STX1A: variants seen among roughly 807,000 people sequenced by gnomAD.
STX1A encodes the protein syntaxin-1A.
Under a neutral mutation model 37.8 loss-of-function variants are expected in STX1A, and 4 were observed. The ratio of observed to expected loss-of-function variants is 0.11; its 90% CI spans 0.05 to 0.24. The LOEUF is 0.24. Among genes scored for constraint, STX1A ranks in the 10% least tolerant of loss-of-function variants. STX1A has a pLI of 1.00. For missense variants in STX1A, 251 were observed against 399.9 expected (o/e 0.63, Z 3.18); for synonymous variants, 135 against 147.4 (o/e 0.92, Z 0.61).
At position 73,702,998 on chromosome 7, in the gene STX1A, G is replaced by C; in HGVS notation, c.541-16C>G. 6.3e-7 allele frequency: 1 copy of C among 1,585,692 alleles called. No homozygotes were observed. Among genetic ancestry groups the C allele is most frequent in the Non-Finnish European group, 8.6e-7 (1 of 1,166,880 alleles). On this transcript the variant is annotated splice_polypyrimidine_tract_variant and intron_variant, in intron 7 of 9. Coordinates refer to ENST00000222812, the MANE Select transcript of STX1A (RefSeq NM_004603.4). This position sits in a 1 kb window ranked among gnomAD's most constrained non-coding sequence, Gnocchi z 4.7. ...CCATGATGATCTGGGGGTGGGAGCA[G>C]GGGGCTGGGACCCAGAGGCTTGCTG...
chr7:73,703,340 G>A, intron 7 of STX1A: 1 of 564,558 alleles, frequency 1.8e-6, no homozygotes, highest in Non-Finnish European at 3.3e-6. Context: ...CCCCCACATT[G>A]AATGTGACTG....
At chr7:73,716,383 A>G (rs1799290317) in intron 1 of STX1A, among the ~76,000 whole-genome samples, 2 of 152,222 alleles carry the variant, frequency 1.3e-5, no homozygotes, top group African/African-American at 4.8e-5. Flanking sequence ...AGAGAAGGGG[A>G]AACTGATGGG....
At chr7:73,707,515 C>T (rs1157735284) in intron 3 of STX1A, among the ~76,000 whole-genome samples, 3 of 152,152 alleles carry the variant, frequency 2.0e-5, no homozygotes, top group African/African-American at 7.2e-5. Flanking sequence ...GGGGCTGGAC[C>T]GAGAGGCCTT....
In STX1A at chr7:73,703,790, G is replaced by A. The variant is rs782646301; in HGVS notation, c.505C>T (p.Leu169=). ...AAGATGGCGGGGTTCCCACTCTCCA[G>A]CATGTCCTCCAGCTCCTCACTGGTC... The part of the protein sequence containing the change: ...TTTSEELEDM[L]ESGNPAIFAS... The change falls in exon 7 of 10, where the codon CTG becomes TTG. Residue 169 remains leucine (L), a synonymous_variant. Transcript: ENST00000222812. 1.2e-6 allele frequency: 2 copies of A among 1,613,896 alleles called. No homozygotes were observed. Among genetic ancestry groups the A allele is most frequent in the Non-Finnish European group, 1.7e-6 (2 of 1,179,974 alleles).
intron 4 of STX1A, 185 bp from the exon 5 acceptor site, chr7:73,704,608 TGTG>T: frequency 1.4e-6 from 1 of 696,446 alleles, no homozygotes. Flanking sequence ...TGTGACGCTG[TGTG>T]GTGTGTGCAT....
intron 6 of STX1A, 130 bp from the exon 7 acceptor site, chr7:73,703,958 G>GC (rs1333874832): frequency 3.6e-4 from 78 of 214,522 alleles, no homozygotes; most frequent in Middle Eastern, 1.7e-3. Flanking sequence ...CTCAGGCCCC[G>GC]CCCCCCCGGC....
chr7:73,705,120 C>T lies in STX1A; in HGVS notation c.283+30G>A. On this transcript the variant is annotated intron_variant, in intron 4 of 9. Transcript: ENST00000222812. This position sits in a 1 kb window ranked among gnomAD's most constrained non-coding sequence, Gnocchi z 5.2. ...CAGAGGAAGCAGGCCTAGAATGCCC[C>T]CCACCCACCCCCAGACAAGCCTGAC... The T allele has an allele frequency of 6.2e-7, 1 of 1,609,004 alleles. No homozygotes were observed. The highest frequency in any genetic ancestry group is 8.5e-7 in the Non-Finnish European group (1 of 1,175,362).
In STX1A at chr7:73,699,561, C is replaced by T. The variant is rs887790803; in HGVS notation, c.*846G>A. The T allele has an allele frequency of 2.0e-5, 3 of 152,808 alleles. No individual in the cohort carries two copies. Among genetic ancestry groups the T allele is most frequent in the African/African-American group, 2.4e-5 (1 of 41,566 alleles). The allele number at this position is 152,808 out of a possible 1,614,324, so 9.5% of individuals were successfully genotyped here. A position where few individuals can be genotyped will look rare whatever the true frequency, so the allele number is the denominator to read the frequency against. On this transcript the variant is annotated 3_prime_UTR_variant, in exon 10 of 10. Transcript: ENST00000222812. ...GACACGTGACACCCACGTGGCACAT[C>T]GATGGGAGGATGGCAAGGGCAGGAT...
At chr7:73,719,211 G>T (rs1169910472) in intron 1 of STX1A, among the ~76,000 whole-genome samples, 1 of 152,124 alleles carries the variant, frequency 6.6e-6, no homozygotes, top group East Asian at 1.9e-4. Context: ...CTACACCGAG[G>T]GGGCACGGGA....
chr7:73,717,299 G>A lies in STX1A; in HGVS notation c.30+2303C>T, dbSNP rs782694227. ...TGTTCAGCCCAGCCCAGCCCAGCCC[G>A]CCCCAGTCCAGCCCAGTCCAGCCCA... On this transcript the variant is annotated intron_variant, in intron 1 of 9. Transcript: ENST00000222812. The surrounding 1 kb of genome is among the most constrained non-coding windows in gnomAD (Gnocchi z 4.1). Among the ~76,000 whole-genome samples the A allele has an allele frequency of 2.9e-4, 42 of 145,864 alleles. No individual in the cohort carries two copies. Among genetic ancestry groups the A allele is most frequent in the African/African-American group, 8.9e-4 (36 of 40,474 alleles).
Position 73,700,702 on chromosome 7 carries a change from T to C in STX1A, c.789+28A>G, listed in dbSNP as rs1554615716. Reference sequence around the variant, plus strand: ...GGGGTCCCTAATGGGTGCTGGGGCATGGCCTTGGGCAGGGCTGGGCTACTG... The same window carrying C: ...GGGGTCCCTAATGGGTGCTGGGGCACGGCCTTGGGCAGGGCTGGGCTACTG... On this transcript the variant is annotated intron_variant, in intron 9 of 9. Coordinates refer to ENST00000222812, the MANE Select transcript of STX1A (RefSeq NM_004603.4). The surrounding 1 kb of genome is among the most constrained non-coding windows in gnomAD (Gnocchi z 4.4). 14 of 1,612,540 alleles carry C rather than the reference T, an allele frequency of 8.7e-6. No homozygotes were observed. Among genetic ancestry groups the C allele is most frequent in the South Asian group, 1.1e-5 (1 of 91,044 alleles).
At position 73,705,126 on chromosome 7, in the gene STX1A, C is replaced by A. The variant is rs1459551254; in HGVS notation, c.283+24G>T. The A allele has an allele frequency of 6.2e-7, 1 of 1,612,200 alleles. No homozygotes were observed. Among genetic ancestry groups the A allele is most frequent in the Non-Finnish European group, 8.5e-7 (1 of 1,178,358 alleles). On this transcript the variant is annotated intron_variant, in intron 4 of 9. Coordinates refer to ENST00000222812, the MANE Select transcript of STX1A (RefSeq NM_004603.4). This position sits in a 1 kb window ranked among gnomAD's most constrained non-coding sequence, Gnocchi z 5.2. Reference sequence around the variant, plus strand: ...AAGCAGGCCTAGAATGCCCCCCACCCACCCCCAGACAAGCCTGACTCACTC... The same window carrying A: ...AAGCAGGCCTAGAATGCCCCCCACCAACCCCCAGACAAGCCTGACTCACTC...
Position 73,708,649 on chromosome 7 carries a change from T to G in STX1A, c.148A>C (p.Asn50His). 2 of 1,614,132 alleles carry G rather than the reference T, an allele frequency of 1.2e-6. No homozygotes were observed. The highest frequency in any genetic ancestry group is 8.5e-7 in the Non-Finnish European group (1 of 1,180,026). The change falls in exon 3 of 10, where the codon AAC becomes CAC. Residue 50 changes from asparagine to histidine, a missense_variant. Transcript: ENST00000222812. ...IRGFIDKIAE[N>H]VEEVKRKHSA... is the part of the protein sequence containing the mutation. ...TGCTTCCGCTTCACCTCCTCCACGT[T>G]CTCTGCGATCTTGTCAATGAAGCCT...
At chr7:73,719,089 T>A (rs773127448) in intron 1 of STX1A, among the ~76,000 whole-genome samples, 3 of 151,272 alleles carry the variant, frequency 2.0e-5, no homozygotes, top group Non-Finnish European at 3.0e-5. Context: ...GACGATCAGG[T>A]TTCCGCAGCG....
chr7:73,709,170 C>T lies in STX1A; in HGVS notation c.31-48G>A, dbSNP rs1554617589. 1.3e-6 allele frequency: 2 copies of T among 1,591,342 alleles called. No homozygotes were observed. Among genetic ancestry groups the T allele is most frequent in the Admixed American group, 3.3e-5 (2 of 59,972 alleles). ...AAGTGGACGTATGTACAGGACCCAC[C>T]TGTACACACGCAGGTGCCCAGGGTA... On this transcript the variant is annotated intron_variant, in intron 1 of 9. Transcript: ENST00000222812. This position sits in a 1 kb window ranked among gnomAD's most constrained non-coding sequence, Gnocchi z 4.2.
In STX1A at chr7:73,702,778, G is replaced by A. The variant is rs781867759; in HGVS notation, c.678+67C>T. ...CAGGGCAGCGTGTCGGGCAGAAAGGGCGAGGTTAGTGCAGCCCTGGGTGCT... is the reference window on the plus strand; with the variant it reads ...CAGGGCAGCGTGTCGGGCAGAAAGGACGAGGTTAGTGCAGCCCTGGGTGCT... On this transcript the variant is annotated intron_variant, in intron 8 of 9. Coordinates refer to ENST00000222812, the MANE Select transcript of STX1A (RefSeq NM_004603.4). The surrounding 1 kb of genome is among the most constrained non-coding windows in gnomAD (Gnocchi z 4.7). 4.4e-6 allele frequency: 7 copies of A among 1,608,850 alleles called. No individual in the cohort carries two copies. Among genetic ancestry groups the A allele is most frequent in the African/African-American group, 2.7e-5 (2 of 74,842 alleles).
At chr7:73,703,040 G>T in intron 7 of STX1A, 58 bp from the exon 8 acceptor site, 1 of 1,252,824 alleles carries the variant, frequency 8.0e-7, no homozygotes, top group Non-Finnish European at 1.1e-6. Context: ...AGGGCAGAGG[G>T]CCGAGGGGGA....
At chr7:73,704,869 C>T (rs1299860403) in intron 4 of STX1A, 1 of 556,470 alleles carries the variant, frequency 1.8e-6, no homozygotes, top group African/African-American at 1.9e-5. Flanking sequence ...AAGTACTGGC[C>T]ACTTCTTCAA....
chr7:73,704,772 T>G, intron 4 of STX1A: 1 of 507,730 alleles, frequency 2.0e-6, no homozygotes, highest in South Asian at 2.2e-5. Flanking sequence ...TGGCCCCTCC[T>G]GCAGGGCATG....
Sources: allele counts gnomAD v4.1 joint callset (sites outside exome capture counted in the v4.1 genomes callset), GRCh38; gene constraint gnomAD v4.1.1; non-coding constraint Gnocchi (gnomAD v3.1); transcripts MANE v1.5; gene names NCBI Gene and HGNC (gene_info 2026-07-23, HGNC 2026-07-21).